Variants in GLG1 observed in about 807,000 individuals in gnomAD.
GLG1 encodes the protein Golgi apparatus protein 1.
Under a neutral mutation model 160.5 loss-of-function variants are expected in GLG1, and 38 were observed. The observed-to-expected ratio is 0.24, with a 90% CI of 0.18 to 0.31. GLG1 has a LOEUF of 0.31. Among genes scored for constraint, GLG1 ranks in the 10% least tolerant of loss-of-function variants. The pLI is 1.00. For synonymous variants in GLG1, 644 were observed against 543.4 expected (o/e 1.19, Z -2.57); for missense variants, 1,373 against 1,505.2 (o/e 0.91, Z 1.45).
intron 12 of GLG1, 50 bp from the exon 13 acceptor site, chr16:74,474,682 C>A (rs1455529489): frequency 1.2e-6 from 1 of 857,434 alleles, no homozygotes. Context: ...CATACATGAA[C>A]AAGGCAAGGG....
chr16:74,581,552 A>T (rs1364442777), intron 1 of GLG1, among the ~76,000 whole-genome samples: 2 of 150,574 alleles, frequency 1.3e-5, no homozygotes, highest in Non-Finnish European at 3.0e-5. Flanking sequence ...AAAAAAAAAA[A>T]GGCCAGGAGG....
intron 10 of GLG1, among the ~76,000 whole-genome samples, chr16:74,481,523 G>A (rs2143316016): frequency 6.6e-6 from 1 of 152,176 alleles, no homozygotes; most frequent in East Asian, 1.9e-4. Context: ...TTTGATTAAG[G>A]CAATACACTC....
At chr16:74,509,798 G>A (rs955351981) in intron 2 of GLG1, among the ~76,000 whole-genome samples, 6 of 150,418 alleles carry the variant, frequency 4.0e-5, no homozygotes, top group African/African-American at 1.2e-4. Context: ...GCAGTGAGCC[G>A]AGATAGCGCC....
chr16:74,602,174 T>A (rs540329555), intron 1 of GLG1, among the ~76,000 whole-genome samples: 2 of 152,336 alleles, frequency 1.3e-5, no homozygotes, highest in East Asian at 3.9e-4. Flanking sequence ...TGTTAATTCC[T>A]GTTCAATACC....
At chr16:74,498,167 T>A (rs1194375250) in intron 4 of GLG1, among the ~76,000 whole-genome samples, 1 of 151,854 alleles carries the variant, frequency 6.6e-6, no homozygotes, top group Non-Finnish European at 1.5e-5. Flanking sequence ...GCACGATGGC[T>A]CATGCCTGTA....
At chr16:74,600,210 C>G (rs1394257498) in intron 1 of GLG1, among the ~76,000 whole-genome samples, 2 of 152,042 alleles carry the variant, frequency 1.3e-5, no homozygotes, top group East Asian at 3.9e-4. Context: ...CCTACCACAT[C>G]AAATTCATGA....
intron 1 of GLG1, among the ~76,000 whole-genome samples, chr16:74,583,655 C>G (rs958064803): frequency 6.6e-6 from 1 of 152,192 alleles, no homozygotes; most frequent in Non-Finnish European, 1.5e-5. Context: ...GCTGGGATTA[C>G]AGGAGTAAGC....
chr16:74,498,417 G>C (rs1280214308), intron 4 of GLG1, among the ~76,000 whole-genome samples: 3 of 35,872 alleles, frequency 8.4e-5, no homozygotes, highest in African/African-American at 2.6e-4. Flanking sequence ...GGGAGGTGCA[G>C]TGCAAGGCTC....
chr16:74,606,855 T>A lies in GLG1; in HGVS notation c.240A>T (p.Gln80His), dbSNP rs374123768. The change falls in exon 1 of 26, where the codon CAA becomes CAT. Residue 80 changes from glutamine to histidine, a missense_variant. Gln to His is a conservative substitution (Grantham distance 24, BLOSUM62 0). Around this residue, in one of 4 missense-constraint regions of GLG1, gnomAD observed 322 missense variants for 254.6 expected, o/e 1.26. Transcript: ENST00000422840. Reference protein sequence around the residue: ...SQLQQQQQQQQQQQQPQPPQP... With the variant: ...SQLQQQQQQQHQQQQPQPPQP... ...GCGGCGGCTGAGGCTGCTGTTGCTG[T>A]TGCTGCTGCTGCTGTTGCTGCTGAA... The A allele has an allele frequency of 6.5e-4, 1,045 of 1,597,948 alleles. 7 individuals are homozygous for A. The East Asian group carries it at 0.021, about 32-fold the overall frequency.
chr16:74,451,825 G>A lies in GLG1; in HGVS notation c.*1342C>T, dbSNP rs536455177. 78 of 486,486 alleles carry A rather than the reference G, an allele frequency of 1.6e-4. No homozygotes were observed. Among genetic ancestry groups the A allele is most frequent in the African/African-American group, 1.4e-3 (74 of 51,506 alleles). The allele number at this position is 486,486 out of a possible 1,614,324, so 30.1% of individuals were successfully genotyped here. ...ATCTCCACACTGGAGGAATGAGGCG[G>A]GATGGCCAAGAATATTGCTTCTATA... On this transcript the variant is annotated 3_prime_UTR_variant, in exon 26 of 26. Transcript: ENST00000422840.
chr16:74,506,704 G>A (rs932236421), intron 3 of GLG1, among the ~76,000 whole-genome samples: 4 of 151,030 alleles, frequency 2.6e-5, no homozygotes, highest in Non-Finnish European at 5.9e-5. Flanking sequence ...AAACAGAGAT[G>A]TGGCACCTAC....
chr16:74,586,675 C>G (rs997380212), intron 1 of GLG1, among the ~76,000 whole-genome samples: 1 of 151,556 alleles, frequency 6.6e-6, no homozygotes, highest in African/African-American at 2.4e-5. Context: ...AACTTTGGAT[C>G]AAAATACACA....
rs577964797 is a variant in GLG1 at position 74,465,666 on chromosome 16, G to A, written c.2667+10C>T. 38 of 1,611,994 alleles carry A rather than the reference G, an allele frequency of 2.4e-5. No individual in the cohort carries two copies. Among genetic ancestry groups the A allele is most frequent in the Admixed American group, 6.7e-5 (4 of 59,566 alleles). On this transcript the variant is annotated intron_variant, in intron 19 of 25. Transcript: ENST00000422840. Reference sequence around the variant, plus strand: ...TCATCCGTGCTCGGCCTTTGGTGTCGGCTTCTCACCTTTATCATCTGCTTG... The same window carrying A: ...TCATCCGTGCTCGGCCTTTGGTGTCAGCTTCTCACCTTTATCATCTGCTTG...
At chr16:74,585,094 C>T (rs1311212238) in intron 1 of GLG1, among the ~76,000 whole-genome samples, 1 of 148,142 alleles carries the variant, frequency 6.8e-6, no homozygotes, top group Admixed American at 6.9e-5. Context: ...ATCTTTAAAT[C>T]GCAGATTCAA....
chr16:74,583,508 T>C (rs1252362882), intron 1 of GLG1, among the ~76,000 whole-genome samples: 7 of 152,250 alleles, frequency 4.6e-5, no homozygotes, highest in South Asian at 2.1e-4. Context: ...AACTCCCTAG[T>C]AGCTGGGATT....
chr16:74,477,217 T>C (rs2015414784), intron 12 of GLG1, among the ~76,000 whole-genome samples, 179 bp downstream of exon 12: 1 of 152,188 alleles, frequency 6.6e-6, no homozygotes, highest in Non-Finnish European at 1.5e-5. Flanking sequence ...CTATTCCTGA[T>C]ACAAAGACCA....
chr16:74,521,824 C>T (rs199525100), intron 2 of GLG1, among the ~76,000 whole-genome samples: 1 of 152,114 alleles, frequency 6.6e-6, no homozygotes, highest in Non-Finnish European at 1.5e-5. Context: ...TCCCCATGGC[C>T]GTTGTGACTA....
chr16:74,473,213 T>C (rs2015269638), intron 13 of GLG1, among the ~76,000 whole-genome samples: 1 of 149,858 alleles, frequency 6.7e-6, no homozygotes, highest in African/African-American at 2.5e-5. Flanking sequence ...TAATCCCCCT[T>C]TTTTTTTTTC....
intron 6 of GLG1, 57 bp from the exon 7 acceptor site, chr16:74,493,197 G>T: frequency 1.7e-6 from 2 of 1,192,182 alleles, no homozygotes; most frequent in Non-Finnish European, 2.4e-6. Flanking sequence ...TACTGTTGAC[G>T]TGTACCACTA....
Sources: gnomAD v4.1 joint callset for allele counts (sites outside exome capture counted in the v4.1 genomes callset) on GRCh38, gnomAD v4.1.1 for gene constraint, gnomAD v4.1.1 regional missense constraint, MANE v1.5 for transcripts, NCBI Gene and HGNC (gene_info 2026-07-23, HGNC 2026-07-21) for gene names.